The following MARK4 variants were observed in gnomAD, a reference collection of about 807,000 sequenced individuals.
MARK4 encodes microtubule affinity regulating kinase 4.
A neutral mutation model predicts 81.5 loss-of-function variants in MARK4; 19 were observed. The observed-to-expected ratio is 0.23, with a 90% confidence interval of 0.16 to 0.34. The LOEUF (loss-of-function observed/expected upper bound fraction) is 0.34, where lower values mean the gene tolerates loss of function less well. MARK4 is among the 10% of genes least tolerant of loss of function. The probability of loss-of-function intolerance (pLI) is 1.00; values close to 1 mark genes in which losing one functional copy is unlikely to be tolerated. For synonymous variants in MARK4, 436 were observed against 439.0 expected, an observed-to-expected ratio of 0.99 and a Z score of 0.08; for missense variants, 772 against 1,058.8, an observed-to-expected ratio of 0.73 and a Z score of 3.76.
At chr19:45,287,891 G>A (rs1380968001) in intron 13 of MARK4, 4 of 608,874 alleles carry the variant, frequency 6.6e-6, no homozygotes, top group Non-Finnish European at 1.2e-5. Flanking sequence ...TCAAAGAAGT[G>A]CAGAACGTAC....
At chr19:45,292,364 C>T (rs547641672) in intron 13 of MARK4, among the ~76,000 whole-genome samples, 42 of 152,266 alleles carry the variant, frequency 2.8e-4, no homozygotes, top group Admixed American at 1.3e-3. Context: ...AGCCGTGTGA[C>T]CTTGGGCAAG....
chr19:45,299,490 AGT>A (rs570871512), intron 15 of MARK4, among the ~76,000 whole-genome samples: 14 of 151,820 alleles, frequency 9.2e-5, no homozygotes, highest in African/African-American at 1.7e-4. Context: ...TGAGCGAGGG[AGT>A]GTGTGTGTGT....
chr19:45,271,496 G>A lies in MARK4; in HGVS notation c.574G>A (p.Glu192Lys), dbSNP rs572492438. 4.3e-6 allele frequency: 7 copies of A among 1,614,164 alleles called. No homozygotes were observed. Among genetic ancestry groups the A allele is most frequent in the East Asian group, 2.2e-5 (1 of 44,880 alleles). ...GGCTGAGAACCTCTTGCTGGATGCCGAGGCCAACATCAAGATTGCTGACTT... is the reference window on the plus strand; with the variant it reads ...GGCTGAGAACCTCTTGCTGGATGCCAAGGCCAACATCAAGATTGCTGACTT... ...LKAENLLLDA[E>K]ANIKIADFGF... is the part of the protein sequence containing the mutation. The change falls in exon 8 of 17, where the codon GAG (glutamate) becomes AAG (lysine). Residue 192 changes from glutamate (E) to lysine (K), a missense_variant. By Grantham distance (56) the Glu-to-Lys change is moderately conservative (BLOSUM62 1). This residue lies in a region of MARK4 where 109 missense variants were observed against 294.7 expected (regional missense o/e 0.37). Transcript: ENST00000262891. The surrounding 1 kb of genome is among the most constrained non-coding windows in gnomAD (Gnocchi z 4.1).
Position 45,252,476 on chromosome 19 carries a change from C to T in MARK4, c.51+837C>T, listed in dbSNP as rs529851140. Among the ~76,000 whole-genome samples the T allele has an allele frequency of 1.2e-3, 187 of 152,198 alleles. 1 individual carries two copies. The highest frequency in any genetic ancestry group is 3.4e-3 in the Middle Eastern group (1 of 294). On this transcript the variant is annotated intron_variant, in intron 1 of 16. Transcript: ENST00000262891. ...CCTCTATCAACTTCTCAGCTTCAGG[C>T]AGCCCCTTCCCCAACCCCCAACCTC...
At chr19:45,275,989 C>T (rs1194017345) in intron 8 of MARK4, among the ~76,000 whole-genome samples, 1 of 152,072 alleles carries the variant, frequency 6.6e-6, no homozygotes, top group Non-Finnish European at 1.5e-5. Flanking sequence ...CCCCAACGCT[C>T]AATTCATTCC....
Position 45,285,709 on chromosome 19 carries a change from CAG to C in MARK4, c.1277-1733_1277-1732del, listed in dbSNP as rs1970734457. ...CTGAGACCTGAGTTCCAGGGATTCT[CAG>C]AGAGGGATTGCTGGCAGGTGCCAGG... On this transcript the variant is annotated intron_variant, in intron 12 of 16. Transcript: ENST00000262891. Among the ~76,000 whole-genome samples, 3 of 152,314 alleles carry C rather than the reference CAG, an allele frequency of 2.0e-5. No individual in the cohort carries two copies. The South Asian group carries it at 6.2e-4, about 32-fold the overall frequency.
At position 45,278,503 on chromosome 19, in the gene MARK4, C is replaced by CT; in HGVS notation, c.907-12dup. 6.2e-7 allele frequency: 1 copy of CT among 1,612,610 alleles called. No homozygotes were observed. The highest frequency in any genetic ancestry group is 1.3e-5 in the African/African-American group (1 of 75,010). On this transcript the variant is annotated splice_polypyrimidine_tract_variant and intron_variant, in intron 9 of 16. Coordinates refer to ENST00000262891, the MANE Select transcript of MARK4 (RefSeq NM_001199867.2). The stretch of plus-strand genomic sequence containing the variant: ...CACCTGTCTTCCCCCTTCCCTGCTC[C>CT]TGATGCCTGCAGCAAATCATGAAAG...
intron 2 of MARK4, among the ~76,000 whole-genome samples, chr19:45,260,849 A>G (rs1361445731): frequency 2.6e-5 from 4 of 152,148 alleles, no homozygotes; most frequent in Non-Finnish European, 5.9e-5. Flanking sequence ...TTGTATTCTC[A>G]GTTACACACA....
At chr19:45,266,122 C>T (rs1297317405) in intron 6 of MARK4, 103 bp from the exon 7 acceptor site, 3 of 1,183,532 alleles carry the variant, frequency 2.5e-6, no homozygotes, top group African/African-American at 3.0e-5. Context: ...CAGGCTGTGC[C>T]TTGGGGAGGC....
At chr19:45,253,118 G>C (rs12981145) in intron 1 of MARK4, among the ~76,000 whole-genome samples, 65,937 of 150,904 alleles carry the variant, frequency 0.44, 15,753 homozygotes, top group Non-Finnish European at 0.55. Flanking sequence ...GATCTTTGTG[G>C]CTTTCTCCAA....
In MARK4 at chr19:45,266,254, G is replaced by A; in HGVS notation, c.522G>A (p.Gln174=). 2 of 1,613,800 alleles carry A rather than the reference G, an allele frequency of 1.2e-6. No homozygotes were observed. The highest frequency in any genetic ancestry group is 1.7e-6 in the Non-Finnish European group (2 of 1,179,812). ...QIVSAVHYCH[Q]KNIVHRDLKA... ...TTTCGGCTGTGCACTATTGTCACCA[G>A]AAAAATATTGTACACAGGGACCTGA... Residue 174 remains glutamine, a synonymous_variant, in exon 7 of 17, where the codon CAG becomes CAA. Transcript: ENST00000262891.
At chr19:45,295,117 A>G (rs1970869423) in intron 14 of MARK4, among the ~76,000 whole-genome samples, 1 of 151,750 alleles carries the variant, frequency 6.6e-6, no homozygotes, top group African/African-American at 2.4e-5. Context: ...TGGGAGGCTG[A>G]GGCAGGTGGA....
chr19:45,274,668 T>C (rs976233856), intron 8 of MARK4, among the ~76,000 whole-genome samples: 4 of 152,016 alleles, frequency 2.6e-5, no homozygotes, highest in African/African-American at 9.7e-5. Context: ...AAACAGGCTC[T>C]GACACTCCGG....
At position 45,277,823 on chromosome 19, in the gene MARK4, T is replaced by TTGTG. The variant is rs58592372; in HGVS notation, c.787-56_787-53dup. ...TCTATCAAAGGGGTTGGGACAAAGG[T>TTGTG]TGTGTGTGTGTGTGTGTGTGTGTGT... is the stretch of plus-strand genomic sequence containing the variant. On this transcript the variant is annotated intron_variant, in intron 8 of 16. Transcript: ENST00000262891. 3,905 of 735,250 alleles carry TTGTG rather than the reference T, an allele frequency of 5.3e-3. 16 individuals are homozygous for TTGTG. Among genetic ancestry groups the TTGTG allele is most frequent in the African/African-American group, 0.011 (544 of 47,628 alleles). The allele number at this position is 735,250 out of a possible 1,614,324, so 45.5% of individuals were successfully genotyped here. A position where few individuals can be genotyped will look rare whatever the true frequency, so the allele number is the denominator to read the frequency against.
intron 12 of MARK4, among the ~76,000 whole-genome samples, chr19:45,282,093 C>G (rs1057160584): frequency 1.3e-5 from 2 of 151,722 alleles, no homozygotes; most frequent in Non-Finnish European, 2.9e-5. Context: ...CGTGTTGGTG[C>G]GTGCCTATAA....
chr19:45,272,204 C>T (rs573223020), intron 8 of MARK4, among the ~76,000 whole-genome samples: 14 of 152,186 alleles, frequency 9.2e-5, no homozygotes, highest in South Asian at 2.1e-4. Context: ...TAATGGCGCA[C>T]GCCTGTAGTC....
rs756565152 is a variant in MARK4 at position 45,271,693 on chromosome 19, C to T, written c.771C>T (p.Asp257=). The stretch of plus-strand genomic sequence containing the variant: ...TCGTCAGCGGCTCCCTGCCCTTCGA[C>T]GGGCACAACCTCAAGGTACCGAGAG... ...YTLVSGSLPF[D]GHNLKELRER... is the part of the protein sequence containing the mutation. The change falls in exon 8 of 17, where the codon GAC becomes GAT. Residue 257 remains aspartate (D), a synonymous_variant. Coordinates refer to ENST00000262891, the MANE Select transcript of MARK4 (RefSeq NM_001199867.2). The surrounding 1 kb of genome is among the most constrained non-coding windows in gnomAD (Gnocchi z 4.1). The T allele has an allele frequency of 1.9e-6, 3 of 1,614,038 alleles. No homozygotes were observed. Among genetic ancestry groups the T allele is most frequent in the East Asian group, 2.2e-5 (1 of 44,850 alleles).
intron 4 of MARK4, 84 bp from the exon 5 acceptor site, chr19:45,264,600 G>A (rs1425006811): frequency 8.2e-6 from 11 of 1,337,424 alleles, no homozygotes; most frequent in South Asian, 7.5e-5. Context: ...GGGTGTTATG[G>A]TTGGCACATT....
At chr19:45,275,141 G>A in intron 8 of MARK4, among the ~76,000 whole-genome samples, 1 of 152,084 alleles carries the variant, frequency 6.6e-6, no homozygotes, top group East Asian at 1.9e-4. Context: ...CGTGCCTGTA[G>A]TCCCAGCTAC....
Sources: allele counts gnomAD v4.1 joint callset (sites outside exome capture counted in the v4.1 genomes callset), GRCh38; gene constraint gnomAD v4.1.1; regional missense constraint gnomAD v4.1.1; non-coding constraint Gnocchi (gnomAD v3.1); transcripts MANE v1.5; gene names NCBI Gene and HGNC (gene_info 2026-07-23, HGNC 2026-07-21).